The following ERAP1 variants were observed in gnomAD, a reference collection of about 807,000 sequenced individuals.
The protein encoded by ERAP1 is adipocyte-derived leucine aminopeptidase.
Under a neutral mutation model 103.7 loss-of-function variants are expected in ERAP1, and 86 were observed. The observed-to-expected ratio is 0.83, with a 90% CI of 0.70 to 0.99. The LOEUF (loss-of-function observed/expected upper bound fraction) is 0.99, where lower values mean the gene tolerates loss of function less well. ERAP1 is among the 50% of genes least tolerant of loss of function. The pLI is 0.00. For missense variants in ERAP1, 1,009 were observed against 1,128.4 expected (o/e 0.89, Z 1.52); for synonymous variants, 398 against 402.4 (o/e 0.99, Z 0.13).
intron 3 of ERAP1, among the ~76,000 whole-genome samples, chr5:96,798,972 A>G (rs1029723642): frequency 3.4e-5 from 5 of 145,444 alleles, no homozygotes; most frequent in Non-Finnish European, 7.5e-5. Flanking sequence ...AGTTCAAGCG[A>G]CTCTCCTGCC....
chr5:96,842,572 C>T, the ERAP1 span, among the ~76,000 whole-genome samples: 1 of 152,056 alleles, frequency 6.6e-6, no homozygotes, highest in East Asian at 1.9e-4. Flanking sequence ...TATTTGTTGG[C>T]CATCTGTACA....
downstream of ERAP1, chr5:96,774,378 A>AGAC (rs1431774065): frequency 2.9e-6 from 1 of 340,146 alleles, no homozygotes; most frequent in African/African-American, 2.2e-5. Context: ...AATATCTTCG[A>AGAC]GACTTGGGTG....
At chr5:96,819,377 C>A in the ERAP1 span, among the ~76,000 whole-genome samples, 1 of 152,184 alleles carries the variant, frequency 6.6e-6, no homozygotes, top group Non-Finnish European at 1.5e-5. Flanking sequence ...TACAGACAAT[C>A]ATCAGCGGTG....
chr5:96,916,060 A>C, the ERAP1 span, among the ~76,000 whole-genome samples: 1 of 152,006 alleles, frequency 6.6e-6, no homozygotes, highest in African/African-American at 2.4e-5. Context: ...GTCTCTAATA[A>C]AAATACAAAA....
chr5:96,776,426 C>T lies in ERAP1; in HGVS notation c.2796G>A (p.Trp932Ter). Residue 932 changes from tryptophan to a stop codon, truncating the protein, a stop_gained, in exon 19 of 19, where the codon TGG becomes TGA. Transcript: ENST00000443439. LOFTEE classifies it high-confidence loss of function. ...TACGTTCAAGCTTTTCACTTTGCAG[C>T]CACACTCTGATTTTATCAAAATTCT... is the stretch of plus-strand genomic sequence containing the variant. Reference protein sequence around the residue: ...MDKNFDKIRVWLQSEKLERM With the variant: ...MDKNFDKIRV 5 of 1,613,354 alleles carry T rather than the reference C, an allele frequency of 3.1e-6. No individual in the cohort carries two copies. Among genetic ancestry groups the T allele is most frequent in the Non-Finnish European group, 4.2e-6 (5 of 1,179,748 alleles).
At position 96,781,051 on chromosome 5, in the gene ERAP1, CACTT is replaced by C; in HGVS notation, c.2588+3_2588+6del. 4.3e-6 allele frequency: 7 copies of C among 1,614,024 alleles called. No homozygotes were observed. Among genetic ancestry groups the C allele is most frequent in the African/African-American group, 1.3e-5 (1 of 75,014 alleles). On this transcript the variant is annotated splice_donor_5th_base_variant and intron_variant, in intron 17 of 18. Coordinates refer to ENST00000443439, the MANE Select transcript of ERAP1 (RefSeq NM_001040458.3). ...CCAGTCACAGCACAATTTTTGGCAC[CACTT>C]ACTTTTGTACAAGTTTGTTCCAGTT...
chr5:96,899,561 A>G, the ERAP1 span, among the ~76,000 whole-genome samples: 1 of 152,208 alleles, frequency 6.6e-6, no homozygotes, highest in Non-Finnish European at 1.5e-5. Context: ...TGGTTATTCA[A>G]GGGTCAATTG....
At chr5:96,789,579 G>T (rs867888035) in intron 10 of ERAP1, among the ~76,000 whole-genome samples, 4 of 152,178 alleles carry the variant, frequency 2.6e-5, no homozygotes, top group East Asian at 1.9e-4. Context: ...AAAAAGCCAA[G>T]AAAGTAAACA....
At chr5:96,903,443 T>A in the ERAP1 span, 3 of 1,613,980 alleles carry the variant, frequency 1.9e-6, no homozygotes, top group African/African-American at 4.0e-5. Flanking sequence ...GGTTACTACA[T>A]CGTTCACTAT....
the ERAP1 span, among the ~76,000 whole-genome samples, chr5:96,833,196 T>C: frequency 6.6e-6 from 1 of 152,218 alleles, no homozygotes; most frequent in Non-Finnish European, 1.5e-5. Flanking sequence ...AGACCAATAT[T>C]TAGACAGAAA....
In ERAP1 at chr5:96,781,206, G is replaced by A; in HGVS notation, c.2448-8C>T. On this transcript the variant is annotated splice_region_variant and splice_polypyrimidine_tract_variant and intron_variant, in intron 16 of 18. Transcript: ENST00000443439. ...AAGCTTTCATCTAGTAGCCTAGAAGGATTAAGAAAAGAAATGTTAGCAATG... is the reference window on the plus strand; with the variant it reads ...AAGCTTTCATCTAGTAGCCTAGAAGAATTAAGAAAAGAAATGTTAGCAATG... The A allele has an allele frequency of 7.4e-6, 12 of 1,610,916 alleles. No homozygotes were observed. The highest frequency in any genetic ancestry group is 1.0e-5 in the Non-Finnish European group (12 of 1,178,298).
chr5:96,762,736 T>C (rs1304454614), exon 20 of ERAP1: 1 of 252,798 alleles, frequency 4.0e-6, no homozygotes, highest in African/African-American at 2.2e-5. Flanking sequence ...TTCTTATACA[T>C]TCTATAATTT....
the ERAP1 span, among the ~76,000 whole-genome samples, chr5:96,932,517 A>G: frequency 2.6e-5 from 4 of 152,068 alleles, no homozygotes; most frequent in Non-Finnish European, 4.4e-5. Flanking sequence ...ATTGACCCCA[A>G]TTTGCTTGTG....
chr5:96,762,848 A>G lies in ERAP1; in HGVS notation c.*352T>C, dbSNP rs559279497. ...ATGGAATAGCATTGTTTTCTTCCCAATTCACACCAGTAAAAATTTGTCACT... is the reference window on the plus strand; with the variant it reads ...ATGGAATAGCATTGTTTTCTTCCCAGTTCACACCAGTAAAAATTTGTCACT... On this transcript the variant is annotated 3_prime_UTR_variant, in exon 20 of 20. Transcript: ENST00000296754. The G allele has an allele frequency of 1.1e-4, 40 of 359,568 alleles. No homozygotes were observed. The South Asian group carries it at 1.4e-3, about 12-fold the overall frequency. 22.3% of individuals were successfully genotyped at this position (359,568 alleles called of 1,614,324 possible). A position where few individuals can be genotyped will look rare whatever the true frequency, so the allele number is the denominator to read the frequency against.
chr5:96,857,548 T>C, the ERAP1 span, among the ~76,000 whole-genome samples: 1 of 152,210 alleles, frequency 6.6e-6, no homozygotes, highest in Non-Finnish European at 1.5e-5. Context: ...ACATAAAGCA[T>C]GGGTATTATC....
At chr5:96,843,200 C>T in the ERAP1 span, among the ~76,000 whole-genome samples, 1 of 152,178 alleles carries the variant, frequency 6.6e-6, no homozygotes, top group Non-Finnish European at 1.5e-5. Flanking sequence ...GCTCAAACGC[C>T]TAGTTACAGA....
At chr5:96,886,907 A>G in the ERAP1 span, 1 of 1,005,084 alleles carries the variant, frequency 9.9e-7, no homozygotes, top group Non-Finnish European at 1.3e-6. Flanking sequence ...ACAAGAAGAG[A>G]TAGATAAAAA....
chr5:96,934,157 G>T, the ERAP1 span: 1 of 152,294 alleles, frequency 6.6e-6, no homozygotes, highest in East Asian at 1.9e-4. Context: ...AAAAGATTAC[G>T]ACTCTGCCCT....
the ERAP1 span, among the ~76,000 whole-genome samples, chr5:96,903,831 T>C: frequency 6.6e-6 from 1 of 152,162 alleles, no homozygotes; most frequent in Non-Finnish European, 1.5e-5. Context: ...TTGGCAACTG[T>C]GGGTCTTTAT....
Sources: gnomAD v4.1 joint callset for allele counts (sites outside exome capture counted in the v4.1 genomes callset) on GRCh38, gnomAD v4.1.1 for gene constraint, MANE v1.5 for transcripts, NCBI Gene and HGNC (gene_info 2026-07-23, HGNC 2026-07-21) for gene names.